USP8: variants seen among roughly 807,000 people sequenced by gnomAD.
USP8 encodes the protein ubiquitin specific peptidase 8.
USP8 carries 27 observed loss-of-function variants against 130.0 expected under a neutral mutation model. The observed-to-expected ratio is 0.21, with a 90% CI of 0.15 to 0.29. USP8 has a LOEUF of 0.29. USP8 is among the 10% of genes least tolerant of loss of function. The probability of loss-of-function intolerance (pLI) is 1.00; values close to 1 mark genes in which losing one functional copy is unlikely to be tolerated. For synonymous variants in USP8, 392 were observed against 444.1 expected (o/e 0.88, Z 1.48); for missense variants, 1,029 against 1,312.2 (o/e 0.78, Z 3.33).
rs982213630 is a variant in USP8 at position 50,433,347 on chromosome 15, A to G, written c.-65-5662A>G. Among the ~76,000 whole-genome samples the G allele has an allele frequency of 8.5e-5, 13 of 152,340 alleles. No individual in the cohort carries two copies. The East Asian group carries it at 2.5e-3, about 29-fold the overall frequency. ...CAGCGAGAAGATACTTATGTTGAGT[A>G]TTGTTGCTGCCTAAGGGCAGAAATA... On this transcript the variant is annotated intron_variant, in intron 1 of 19. Transcript: ENST00000307179.
intron 1 of USP8, 131 bp downstream of exon 1, chr15:50,424,645 A>G (rs1176554499): frequency 3.0e-5 from 12 of 396,110 alleles, no homozygotes; most frequent in Non-Finnish European, 4.4e-6. Context: ...GAGTGGGACA[A>G]CTCCTAAAGG....
At chr15:50,484,472 G>A (rs1165434666) in intron 12 of USP8, 111 bp downstream of exon 12, 3 of 837,930 alleles carry the variant, frequency 3.6e-6, no homozygotes, top group East Asian at 6.0e-5. Context: ...ACAGTGTAAG[G>A]GGATCGTTGC....
chr15:50,484,164 T>C, intron 11 of USP8, 111 bp from the exon 12 acceptor site: 1 of 806,684 alleles, frequency 1.2e-6, no homozygotes, highest in Non-Finnish European at 1.9e-6. Context: ...GGCCTTTTTT[T>C]TCTCCTTTTA....
chr15:50,441,001 CAAA>C (rs34390770), intron 2 of USP8, among the ~76,000 whole-genome samples: 2 of 135,468 alleles, frequency 1.5e-5, no homozygotes, highest in Non-Finnish European at 1.6e-5. Flanking sequence ...GACCCCATCT[CAAA>C]AAAAAAAAAA....
chr15:50,485,181 T>C (rs2051911953), intron 12 of USP8, among the ~76,000 whole-genome samples: 1 of 152,104 alleles, frequency 6.6e-6, no homozygotes, highest in Non-Finnish European at 1.5e-5. Context: ...AAGACATCTT[T>C]GCTGGGAGCG....
At position 50,449,565 on chromosome 15, in the gene USP8, G is replaced by T. The variant is rs1465143749; in HGVS notation, c.335+80G>T. ...ATTTAAGATTTACCGATTTATATCT[G>T]ACGATTCATATAATATTCCAATTTT... On this transcript the variant is annotated intron_variant, in intron 4 of 19. Coordinates refer to ENST00000307179, the MANE Select transcript of USP8 (RefSeq NM_005154.5). The T allele has an allele frequency of 3.3e-5, 35 of 1,066,226 alleles. No homozygotes were observed. The East Asian group carries it at 9.4e-4, about 29-fold the overall frequency. 66.0% of individuals were successfully genotyped at this position (1,066,226 alleles called of 1,614,324 possible).
Position 50,431,960 on chromosome 15 carries a change from G to A in USP8, c.-65-7049G>A, listed in dbSNP as rs561459398. Among the ~76,000 whole-genome samples the A allele has an allele frequency of 1.1e-4, 16 of 152,180 alleles. No homozygotes were observed. The South Asian group carries it at 3.3e-3, about 32-fold the overall frequency. On this transcript the variant is annotated intron_variant, in intron 1 of 19. Coordinates refer to ENST00000307179, the MANE Select transcript of USP8 (RefSeq NM_005154.5). ...TGTCAGCCACCATGCCCAGCCAGAT[G>A]TCCTCCTTTCTTACCCTGTTCTTAG...
intron 19 of USP8, 46 bp downstream of exon 19, chr15:50,498,774 T>TA: frequency 1.9e-6 from 3 of 1,567,190 alleles, no homozygotes; most frequent in Non-Finnish European, 2.6e-6. Flanking sequence ...AAAGCAAGTT[T>TA]AAAAAAAGTT....
rs780374316 is a variant in USP8, at chr15:50,471,776, T to C, written c.830T>C (p.Leu277Pro). ...DLQIGTTLRS[L>P]KDALFKWESK... The stretch of plus-strand genomic sequence containing the variant: ...CAGATTGGAACAACTCTCCGGAGTC[T>C]GAAAGATGCACTTTTCAAGGTTTGC... The change falls in exon 8 of 20, where the codon CTG (leucine) becomes CCG (proline). Residue 277 changes from leucine (L) to proline (P), a missense_variant. Leu to Pro is a moderately conservative substitution (Grantham distance 98). Around this residue, in one of 4 missense-constraint regions of USP8, gnomAD observed 281 missense variants for 336.7 expected, o/e 0.83. Transcript: ENST00000307179. 1.2e-6 allele frequency: 2 copies of C among 1,613,828 alleles called. No homozygotes were observed. The highest frequency in any genetic ancestry group is 1.3e-5 in the African/African-American group (1 of 74,918).
intron 3 of USP8, among the ~76,000 whole-genome samples, chr15:50,445,856 CA>C (rs200962937): frequency 0.27 from 25,837 of 97,290 alleles, 2,210 homozygotes; most frequent in East Asian, 0.48. Flanking sequence ...GACTCCGTCT[CA>C]AAAAAAAAAA....
chr15:50,492,221 T>TTAAG (rs2052202129), intron 14 of USP8, among the ~76,000 whole-genome samples: 1 of 152,164 alleles, frequency 6.6e-6, no homozygotes, highest in Non-Finnish European at 1.5e-5. Context: ...ACTCTAGAAT[T>TTAAG]TAAGTAATAG....
chr15:50,425,424 A>G (rs1207008911), intron 1 of USP8, among the ~76,000 whole-genome samples: 1 of 152,224 alleles, frequency 6.6e-6, no homozygotes, highest in East Asian at 1.9e-4. Flanking sequence ...TTTGCTATGT[A>G]AGCAGATTTT....
chr15:50,493,011 T>C, intron 15 of USP8, 98 bp downstream of exon 15: 1 of 1,158,948 alleles, frequency 8.6e-7, no homozygotes, highest in Non-Finnish European at 1.3e-6. Context: ...TATAACAAAA[T>C]ACCTAAGACT....
chr15:50,477,890 T>A (rs1290037007), intron 10 of USP8, among the ~76,000 whole-genome samples: 1 of 152,044 alleles, frequency 6.6e-6, no homozygotes, highest in Non-Finnish European at 1.5e-5. Context: ...GTTTAATATA[T>A]AACCTTTAAC....
At chr15:50,429,424 A>G (rs1300448586) in intron 1 of USP8, among the ~76,000 whole-genome samples, 2 of 152,002 alleles carry the variant, frequency 1.3e-5, no homozygotes, top group African/African-American at 4.8e-5. Flanking sequence ...TTCAGCTGGA[A>G]ACAAATTGTT....
intron 14 of USP8, among the ~76,000 whole-genome samples, chr15:50,491,707 G>A (rs1368864152): frequency 6.6e-6 from 1 of 151,822 alleles, no homozygotes; most frequent in African/African-American, 2.4e-5. Flanking sequence ...AGCAGTTCTA[G>A]TAGTTCCACA....
chr15:50,426,016 G>A lies in USP8; in HGVS notation c.-66+1502G>A, dbSNP rs578059048. 9.8e-5 allele frequency among the ~76,000 whole-genome samples: 15 copies of A among 152,302 alleles called. No individual in the cohort carries two copies. The South Asian group carries it at 3.1e-3, about 32-fold the overall frequency. On this transcript the variant is annotated intron_variant, in intron 1 of 19. Coordinates refer to ENST00000307179, the MANE Select transcript of USP8 (RefSeq NM_005154.5). ...CACGCCTGTAGTCCCAGCTACTCTG[G>A]AGGCTGAGGCAGGAGAATCGCTTGA...
At position 50,512,933 on chromosome 15, in the gene USP8, A is replaced by C. The variant is rs2052756318; in HGVS notation, c.*13845A>C. Reference sequence around the variant, plus strand: ...TCATGTACAACAAACCAAAAACAAAAAAGTTATTTCTAACCCATGTAACAT... The same window carrying C: ...TCATGTACAACAAACCAAAAACAAACAAGTTATTTCTAACCCATGTAACAT... On this transcript the variant is annotated 3_prime_UTR_variant, in exon 20 of 20. Transcript: ENST00000307179. 6.6e-6 allele frequency: 1 copy of C among 152,194 alleles called. No individual in the cohort carries two copies. Among genetic ancestry groups the C allele is most frequent in the African/African-American group, 2.4e-5 (1 of 41,462 alleles). 9.4% of individuals were successfully genotyped at this position (152,194 alleles called of 1,614,324 possible).
At chr15:50,439,800 A>C (rs1053271551) in intron 2 of USP8, among the ~76,000 whole-genome samples, 12,793 of 100,560 alleles carry the variant, frequency 0.13, 1,280 homozygotes, top group African/African-American at 0.34. Flanking sequence ...CAATAATAAT[A>C]ATAATAATAA....
Sources: gnomAD v4.1 joint callset for allele counts (sites outside exome capture counted in the v4.1 genomes callset) on GRCh38, gnomAD v4.1.1 for gene constraint, gnomAD v4.1.1 regional missense constraint, MANE v1.5 for transcripts, NCBI Gene and HGNC (gene_info 2026-07-23, HGNC 2026-07-21) for gene names.